The following KLRC2 variants were observed in gnomAD, a reference collection of about 807,000 sequenced individuals.
KLRC2 encodes NKG2-C type II integral membrane protein.
In KLRC2, 10 loss-of-function variants were observed where a neutral mutation model predicts 25.5. That is an observed-to-expected ratio of 0.39 (90% confidence interval 0.24 to 0.67). The LOEUF (loss-of-function observed/expected upper bound fraction) is 0.67. Ranked by LOEUF, KLRC2 falls within the 30% of genes least tolerant of loss-of-function variation. The probability of loss-of-function intolerance (pLI) is 0.45; values close to 1 mark genes in which losing one functional copy is unlikely to be tolerated. For missense variants in KLRC2, 170 were observed against 272.8 expected (o/e 0.62, Z 2.65); for synonymous variants, 48 against 93.3 (o/e 0.51, Z 2.80).
At chr12:10,431,339 A>G in intron 5 of KLRC2, 111 bp from the exon 6 acceptor site, 1 of 1,268,562 alleles carries the variant, frequency 7.9e-7, no homozygotes, top group Non-Finnish European at 1.1e-6. Context: ...GGGTAATTAA[A>G]TTTTTCATAA....
At chr12:10,434,101 C>T in intron 3 of KLRC2, 159 bp from the exon 4 acceptor site, 1 of 1,184,396 alleles carries the variant, frequency 8.4e-7, no homozygotes, top group Non-Finnish European at 1.2e-6. Flanking sequence ...CAGTCATACA[C>T]ACATGCACAG....
chr12:10,433,007 C>T (rs1863831303), intron 4 of KLRC2, among the ~76,000 whole-genome samples: 1 of 140,940 alleles, frequency 7.1e-6, no homozygotes, highest in African/African-American at 2.7e-5. Context: ...ACCAGGAGAC[C>T]TGCTACCAAT....
At chr12:10,435,551 T>A in intron 1 of KLRC2, 141 bp from the exon 2 acceptor site, 1 of 1,355,688 alleles carries the variant, frequency 7.4e-7, no homozygotes, top group South Asian at 1.3e-5. Context: ...CTACATCTAC[T>A]CTAGTAATCT....
chr12:10,431,786 T>TTC (rs1863819298), intron 5 of KLRC2, among the ~76,000 whole-genome samples: 1 of 139,354 alleles, frequency 7.2e-6, no homozygotes. Flanking sequence ...GATTTTTTTT[T>TTC]TTTTTTTAGC....
At position 10,431,109 on chromosome 12, in the gene KLRC2, C is replaced by T. The variant is rs184133139; in HGVS notation, c.*8G>A. ...ATCTGATGCACTGCAAACGCAAATG[C>T]TTTACTTCTAAAGCTTATGCTTACA... is the stretch of plus-strand genomic sequence containing the variant. On this transcript the variant is annotated 3_prime_UTR_variant, in exon 6 of 6. Coordinates refer to ENST00000381902, the MANE Select transcript of KLRC2 (RefSeq NM_002260.4). The T allele has an allele frequency of 9.1e-4, 1,353 of 1,480,710 alleles. 270 individuals are homozygous for T. The East Asian group carries it at 0.027, about 30-fold the overall frequency. 91.7% of individuals were successfully genotyped at this position (1,480,710 alleles called of 1,614,324 possible). A position where few individuals can be genotyped will look rare whatever the true frequency, so the allele number is the denominator to read the frequency against.
In KLRC2 at chr12:10,433,735, T is replaced by C. The variant is rs1863839514; in HGVS notation, c.483+56A>G. The C allele has an allele frequency of 9.5e-6, 14 of 1,472,450 alleles. 3 individuals are homozygous for C. Among genetic ancestry groups the C allele is most frequent in the Non-Finnish European group, 8.4e-6 (9 of 1,071,204 alleles). 91.2% of individuals were successfully genotyped at this position (1,472,450 alleles called of 1,614,324 possible). On this transcript the variant is annotated intron_variant, in intron 4 of 5. Transcript: ENST00000381902. ...CACACATATGGATGTTTTCTACAAA[T>C]GTATTATTCACTGAAGGAAGCTTTT...
chr12:10,432,040 C>T lies in KLRC2; in HGVS notation c.584+66G>A, dbSNP rs568393013. ...GTCAATGATTCCACATAAATTTATT[C>T]ATATTATTCTTCTGAATTTATCCTT... On this transcript the variant is annotated intron_variant, in intron 5 of 5. Transcript: ENST00000381902. 9.3e-5 allele frequency: 109 copies of T among 1,177,090 alleles called. 23 individuals are homozygous for T. The African/African-American group carries it at 1.7e-3, about 18-fold the overall frequency. 72.9% of individuals were successfully genotyped at this position (1,177,090 alleles called of 1,614,324 possible). A position where few individuals can be genotyped will look rare whatever the true frequency, so the allele number is the denominator to read the frequency against.
rs1456092861 is a variant in KLRC2 at position 10,433,916 on chromosome 12, C to T, written c.358G>A (p.Glu120Lys). The change falls in exon 4 of 6, where the codon GAG (glutamate) becomes AAG (lysine). Residue 120 changes from glutamate to lysine, a missense_variant. Transcript: ENST00000381902. ...CAACTGTTGGAATATGTAATCCACT[C>T]CTCAGGACAATGGCCACAATGACGT... ...KARHCGHCPE[E>K]WITYSNSCYY... The T allele has an allele frequency of 2.6e-6, 4 of 1,549,578 alleles. 1 individual carries two copies. Among genetic ancestry groups the T allele is most frequent in the African/African-American group, 2.9e-5 (2 of 68,324 alleles).
chr12:10,433,242 T>A (rs1863833503), intron 4 of KLRC2, among the ~76,000 whole-genome samples: 1 of 141,942 alleles, frequency 7.0e-6, no homozygotes, highest in Non-Finnish European at 1.5e-5. Context: ...AACATACTAC[T>A]GATAACTGCA....
rs1206447825 is a variant in KLRC2, at chr12:10,432,014, T to C, written c.584+92A>G. The stretch of plus-strand genomic sequence containing the variant: ...CACTAACTTTCCACATCTTTCTTCA[T>C]GTCAATGATTCCACATAAATTTATT... On this transcript the variant is annotated intron_variant, in intron 5 of 5. Transcript: ENST00000381902. 2.2e-5 allele frequency: 23 copies of C among 1,055,758 alleles called. 2 individuals are homozygous for C. Among genetic ancestry groups the C allele is most frequent in the Middle Eastern group, 2.8e-4 (1 of 3,606 alleles). 65.4% of individuals were successfully genotyped at this position (1,055,758 alleles called of 1,614,324 possible).
chr12:10,432,193 C>G lies in KLRC2; in HGVS notation c.497G>C (p.Ser166Thr). 1 of 1,444,308 alleles carries G rather than the reference C, an allele frequency of 6.9e-7. No individual in the cohort carries two copies. Among genetic ancestry groups the G allele is most frequent in the Non-Finnish European group, 9.4e-7 (1 of 1,066,902 alleles). The allele number at this position is 1,444,308 out of a possible 1,614,324, so 89.5% of individuals were successfully genotyped here. A position where few individuals can be genotyped will look rare whatever the true frequency, so the allele number is the denominator to read the frequency against. Residue 166 changes from serine (S) to threonine (T), a missense_variant, in exon 5 of 6, where the codon AGC (serine) becomes ACC (threonine). This residue lies in a region of KLRC2 where 129 missense variants were observed against 150.2 expected (regional missense o/e 0.86). Coordinates refer to ENST00000381902, the MANE Select transcript of KLRC2 (RefSeq NM_002260.4). ...DNEEEMKFLA[S>T]ILPSSWIGVF... is the part of the protein sequence containing the mutation. ...ACCAATCCATGAGGAAGGTAAAATG[C>G]TGGCCAGAAATTTCTAAAAGAAAAG...
chr12:10,435,797 T>C lies in KLRC2; in HGVS notation c.187+3A>G. 1 of 1,545,926 alleles carries C rather than the reference T, an allele frequency of 6.5e-7. No homozygotes were observed. Among genetic ancestry groups the C allele is most frequent in the South Asian group, 1.1e-5 (1 of 88,926 alleles). On this transcript the variant is annotated splice_donor_region_variant and intron_variant, in intron 1 of 5. Transcript: ENST00000381902. ...AATATTGAAGATATATTTAATGTTTTACCTTGGCAGTCATATATTTTATCA... is the reference window on the plus strand; with the variant it reads ...AATATTGAAGATATATTTAATGTTTCACCTTGGCAGTCATATATTTTATCA...
rs371517651 is a variant in KLRC2 at position 10,435,768 on chromosome 12, C to A, written c.187+32G>T. On this transcript the variant is annotated intron_variant, in intron 1 of 5. Transcript: ENST00000381902. ...CTGCATTCAACTGCACATCCTAGAA[C>A]AATAATATTGAAGATATATTTAATG... 1.3e-4 allele frequency: 206 copies of A among 1,533,642 alleles called. 32 individuals are homozygous for A. The highest frequency in any genetic ancestry group is 1.8e-4 in the Non-Finnish European group (200 of 1,123,026).
In KLRC2 at chr12:10,433,312, T is replaced by C. The variant is rs1318468702; in HGVS notation, c.483+479A>G. ...ATTGAAAAAGACATGAAATTCACAC[T>C]GCTTGATTCCCTTTATATAAATAAA... On this transcript the variant is annotated intron_variant, in intron 4 of 5. Transcript: ENST00000381902. 1.5e-3 allele frequency among the ~76,000 whole-genome samples: 213 copies of C among 141,984 alleles called. 20 individuals carry two copies. Among genetic ancestry groups the C allele is most frequent in the Admixed American group, 0.014 (210 of 14,486 alleles). 93.1% of individuals were successfully genotyped at this position (141,984 alleles called of 152,430 possible).
In KLRC2 at chr12:10,433,933, C is replaced by G; in HGVS notation, c.341G>C (p.Cys114Ser). 1 of 1,546,238 alleles carries G rather than the reference C, an allele frequency of 6.5e-7. No homozygotes were observed. Among genetic ancestry groups the G allele is most frequent in the South Asian group, 1.1e-5 (1 of 88,150 alleles). Residue 114 changes from cysteine (C) to serine (S), a missense_variant, in exon 4 of 6, where the codon TGT (cysteine) becomes TCT (serine). This residue lies in a region of KLRC2 where 129 missense variants were observed against 150.2 expected (regional missense o/e 0.86). Transcript: ENST00000381902. ...PNTRTQKARH[C>S]GHCPEEWITY... ...AATCCACTCCTCAGGACAATGGCCA[C>G]AATGACGTGCTAATAAAGATATGAA... is the stretch of plus-strand genomic sequence containing the variant.
intron 4 of KLRC2, 83 bp downstream of exon 4, chr12:10,433,708 T>C (rs1863839065): frequency 7.5e-7 from 1 of 1,331,134 alleles, no homozygotes; most frequent in South Asian, 1.3e-5. Flanking sequence ...TAAATATATG[T>C]ACACACATAT....
intron 3 of KLRC2, 111 bp from the exon 4 acceptor site, chr12:10,434,053 C>T: frequency 7.2e-7 from 1 of 1,394,734 alleles, no homozygotes; most frequent in South Asian, 1.4e-5. Context: ...TTTACGCATC[C>T]TTACAGGCTT....
rs1173703499 is a variant in KLRC2, at chr12:10,431,738, C to T, written c.584+368G>A. 3.6e-5 allele frequency among the ~76,000 whole-genome samples: 5 copies of T among 138,414 alleles called. 1 individual carries two copies. The highest frequency in any genetic ancestry group is 1.1e-4 in the African/African-American group (4 of 36,062). 90.8% of individuals were successfully genotyped at this position (138,414 alleles called of 152,430 possible). ...TGACCCAGGACAGCTTTGAATGCGG[C>T]CCAACACAAATACGTAAACTTTCTT... On this transcript the variant is annotated intron_variant, in intron 5 of 5. Coordinates refer to ENST00000381902, the MANE Select transcript of KLRC2 (RefSeq NM_002260.4).
chr12:10,432,265 A>G lies in KLRC2; in HGVS notation c.484-59T>C, dbSNP rs1235207151. 35 of 1,117,782 alleles carry G rather than the reference A, an allele frequency of 3.1e-5. 3 individuals carry two copies. In the South Asian group the frequency reaches 5.7e-4, roughly 18 times the overall value. 69.2% of individuals were successfully genotyped at this position (1,117,782 alleles called of 1,614,324 possible). ...TAATTATGAAAACATTACAAAAACAATATATTAAAGTTGAAAACCACTATT... is the reference window on the plus strand; with the variant it reads ...TAATTATGAAAACATTACAAAAACAGTATATTAAAGTTGAAAACCACTATT... On this transcript the variant is annotated intron_variant, in intron 4 of 5. Coordinates refer to ENST00000381902, the MANE Select transcript of KLRC2 (RefSeq NM_002260.4).
Sources: allele counts gnomAD v4.1 joint callset (sites outside exome capture counted in the v4.1 genomes callset), GRCh38; gene constraint gnomAD v4.1.1; regional missense constraint gnomAD v4.1.1; transcripts MANE v1.5; gene names NCBI Gene and HGNC (gene_info 2026-07-23, HGNC 2026-07-21).